Variants in ARHGEF28 observed in about 807,000 individuals in gnomAD.
The protein encoded by ARHGEF28 is 190 kDa guanine nucleotide exchange factor.
Under a neutral mutation model 206.6 loss-of-function variants are expected in ARHGEF28, and 152 were observed. The ratio of observed to expected loss-of-function variants is 0.74; its 90% CI spans 0.64 to 0.84. The LOEUF (loss-of-function observed/expected upper bound fraction) is 0.84. ARHGEF28 is among the 40% of genes least tolerant of loss of function. The probability of loss-of-function intolerance (pLI) is 0.00; values close to 1 mark genes in which losing one functional copy is unlikely to be tolerated. For synonymous variants in ARHGEF28, 763 were observed against 776.4 expected (o/e 0.98, Z 0.29); for missense variants, 2,028 against 2,073.2 (o/e 0.98, Z 0.42).
chr5:73,711,721 T>A (rs1199759625), intron 2 of ARHGEF28, among the ~76,000 whole-genome samples: 1 of 151,846 alleles, frequency 6.6e-6, no homozygotes, highest in Non-Finnish European at 1.5e-5. Context: ...TGCTTTGAGA[T>A]TTTTTTTACA....
At chr5:73,700,220 A>G (rs188580940) in intron 2 of ARHGEF28, among the ~76,000 whole-genome samples, 184 of 152,332 alleles carry the variant, frequency 1.2e-3, no homozygotes, top group African/African-American at 4.0e-3. Context: ...TTTTAAAAAC[A>G]CAAGTTGTAG....
chr5:73,699,151 C>CTGTGTGTGTGTGTGTA (rs1030344972), intron 2 of ARHGEF28, among the ~76,000 whole-genome samples: 1 of 150,278 alleles, frequency 6.7e-6, no homozygotes, highest in Admixed American at 6.6e-5. Context: ...TCCCCTAGAG[C>CTGTGTGTGTGTGTGTA]TGTGTGTGTG....
chr5:73,881,773 A>C (rs1346280182), intron 22 of ARHGEF28, among the ~76,000 whole-genome samples: 1 of 152,226 alleles, frequency 6.6e-6, no homozygotes, highest in Non-Finnish European at 1.5e-5. Context: ...ACAGCACCTT[A>C]TGATTCTAAG....
intron 2 of ARHGEF28, among the ~76,000 whole-genome samples, chr5:73,712,373 C>A (rs191684050): frequency 2.8e-4 from 43 of 152,266 alleles, no homozygotes; most frequent in African/African-American, 9.1e-4. Context: ...GTAAATAATA[C>A]TGTGATACTA....
chr5:73,802,870 CTGTGTGTGTG>C (rs561505395), intron 9 of ARHGEF28, among the ~76,000 whole-genome samples: 135 of 122,220 alleles, frequency 1.1e-3, no homozygotes, highest in Non-Finnish European at 1.2e-3. Flanking sequence ...AGCTCGATTG[CTGTGTGTGTG>C]TGTGTGTGTG....
intron 27 of ARHGEF28, among the ~76,000 whole-genome samples, chr5:73,892,472 C>T (rs546257656): frequency 6.6e-6 from 1 of 152,208 alleles, no homozygotes. Context: ...TCGGGCCTCC[C>T]CTCCTCCATG....
intron 2 of ARHGEF28, among the ~76,000 whole-genome samples, chr5:73,734,789 G>GT (rs1452428777): frequency 6.6e-6 from 1 of 152,046 alleles, no homozygotes; most frequent in Non-Finnish European, 1.5e-5. Context: ...AAATACTTCT[G>GT]TTTTTTCTTT....
intron 17 of ARHGEF28, 111 bp from the exon 18 acceptor site, chr5:73,865,854 A>G: frequency 1.2e-6 from 1 of 819,438 alleles, no homozygotes; most frequent in Non-Finnish European, 1.9e-6. Context: ...TTGGAAATAA[A>G]ATAACAAAAA....
At chr5:73,694,907 G>A (rs1452494894) in intron 2 of ARHGEF28, among the ~76,000 whole-genome samples, 1 of 152,250 alleles carries the variant, frequency 6.6e-6, no homozygotes, top group Non-Finnish European at 1.5e-5. Flanking sequence ...CTTGGGAGTA[G>A]GAGACAGAAA....
intron 35 of ARHGEF28, among the ~76,000 whole-genome samples, chr5:73,929,357 C>T (rs1419684326): frequency 6.6e-6 from 1 of 152,132 alleles, no homozygotes; most frequent in Non-Finnish European, 1.5e-5. Context: ...ATAAGCATTT[C>T]AGTATTTGTC....
chr5:73,901,790 G>GC (rs1762286050), intron 31 of ARHGEF28: 1 of 152,772 alleles, frequency 6.5e-6, no homozygotes, highest in African/African-American at 2.4e-5. Flanking sequence ...TAATTAATCT[G>GC]ACCAGTTTTT....
intron 2 of ARHGEF28, among the ~76,000 whole-genome samples, chr5:73,747,312 A>G (rs931528742): frequency 6.6e-6 from 1 of 152,174 alleles, no homozygotes; most frequent in Non-Finnish European, 1.5e-5. Context: ...CCATATATGA[A>G]ATCGGTGGCC....
chr5:73,749,146 C>A (rs374932811), intron 2 of ARHGEF28, among the ~76,000 whole-genome samples: 1 of 152,166 alleles, frequency 6.6e-6, no homozygotes, highest in Non-Finnish European at 1.5e-5. Flanking sequence ...TTGGAAACCC[C>A]TCAGAGAAGA....
chr5:73,801,513 C>A (rs550369352), intron 9 of ARHGEF28, among the ~76,000 whole-genome samples: 2 of 152,152 alleles, frequency 1.3e-5, no homozygotes, highest in Admixed American at 1.3e-4. Flanking sequence ...ATCTTAGAAG[C>A]TGTGACCCCT....
chr5:73,878,156 T>C (rs964217266), intron 22 of ARHGEF28, among the ~76,000 whole-genome samples: 1 of 151,808 alleles, frequency 6.6e-6, no homozygotes, highest in Non-Finnish European at 1.5e-5. Context: ...TCTTGTTGAA[T>C]TGATCCCTTT....
chr5:73,724,981 T>C (rs898516012), intron 2 of ARHGEF28, among the ~76,000 whole-genome samples: 2 of 152,204 alleles, frequency 1.3e-5, no homozygotes, highest in South Asian at 4.1e-4. Flanking sequence ...GTATTTCAGA[T>C]TTTATTTTTC....
intron 7 of ARHGEF28, among the ~76,000 whole-genome samples, chr5:73,792,175 A>G (rs1043853932): frequency 4.6e-5 from 7 of 152,222 alleles, no homozygotes; most frequent in African/African-American, 1.4e-4. Context: ...GACTTTCTAC[A>G]TTTAAGTTAT....
chr5:73,825,331 T>C (rs1756840054), intron 9 of ARHGEF28, among the ~76,000 whole-genome samples: 1 of 152,196 alleles, frequency 6.6e-6, no homozygotes, highest in Non-Finnish European at 1.5e-5. Flanking sequence ...GCAAGGCATC[T>C]GCATATCCAG....
intron 1 of ARHGEF28, among the ~76,000 whole-genome samples, chr5:73,635,414 A>G (rs1264989538): frequency 6.6e-6 from 1 of 152,206 alleles, no homozygotes; most frequent in Non-Finnish European, 1.5e-5. Context: ...ACACCTAGGA[A>G]TCAGGAGACC....
Sources: allele counts gnomAD v4.1 joint callset (sites outside exome capture counted in the v4.1 genomes callset), GRCh38; gene constraint gnomAD v4.1.1; transcripts MANE v1.5; gene names NCBI Gene and HGNC (gene_info 2026-07-23, HGNC 2026-07-21).